Variants in RAI14 observed in about 807,000 individuals in gnomAD.
RAI14 encodes the protein ankycorbin.
RAI14 carries 45 observed loss-of-function variants against 115.4 expected under a neutral mutation model. The observed-to-expected ratio is 0.39, with a 90% confidence interval of 0.31 to 0.50. RAI14 has a LOEUF of 0.50. Ranked by LOEUF, RAI14 falls within the 20% of genes least tolerant of loss-of-function variation. The pLI is 0.85. For missense variants in RAI14, 939 were observed against 1,131.2 expected, an observed-to-expected ratio of 0.83 and a Z score of 2.44; for synonymous variants, 371 against 415.4, an observed-to-expected ratio of 0.89 and a Z score of 1.30.
At chr5:34,828,169 G>T (rs1223196676) in intron 16 of RAI14, among the ~76,000 whole-genome samples, 1 of 152,172 alleles carries the variant, frequency 6.6e-6, no homozygotes, top group East Asian at 1.9e-4. Context: ...CGCAGTAGGG[G>T]TTGGGGGAAG....
intron 3 of RAI14, among the ~76,000 whole-genome samples, chr5:34,788,519 G>C (rs1250347086): frequency 6.6e-6 from 1 of 152,128 alleles, no homozygotes; most frequent in Non-Finnish European, 1.5e-5. Flanking sequence ...TTAGAACCAT[G>C]TCTCACACAT....
At chr5:34,757,418 G>A (rs181821790) in intron 2 of RAI14, 50 bp from the exon 3 acceptor site, 76 of 1,601,480 alleles carry the variant, frequency 4.7e-5, no homozygotes, top group African/African-American at 1.4e-4. Flanking sequence ...TGGTCAGTGC[G>A]GCTGTGGCCA....
intron 3 of RAI14, among the ~76,000 whole-genome samples, chr5:34,784,968 T>G (rs1478641053): frequency 6.6e-6 from 1 of 152,212 alleles, no homozygotes; most frequent in Non-Finnish European, 1.5e-5. Flanking sequence ...TGTGGCACAA[T>G]TGTAGTGTCA....
chr5:34,742,077 G>A (rs776512402), intron 2 of RAI14, among the ~76,000 whole-genome samples: 4 of 152,192 alleles, frequency 2.6e-5, no homozygotes, highest in Non-Finnish European at 5.9e-5. Flanking sequence ...CCAGGGAAAC[G>A]AGAGACGTGG....
chr5:34,741,958 G>A (rs1484604195), intron 2 of RAI14, among the ~76,000 whole-genome samples: 1 of 152,200 alleles, frequency 6.6e-6, no homozygotes, highest in Non-Finnish European at 1.5e-5. Flanking sequence ...TTGGCAAAGA[G>A]GAAGTGTCTA....
chr5:34,752,733 G>GTATATA (rs1314736589), intron 2 of RAI14, among the ~76,000 whole-genome samples: 1 of 100,594 alleles, frequency 9.9e-6, no homozygotes, highest in African/African-American at 4.0e-5. Context: ...GTGTGTGTGT[G>GTATATA]TGTGTGTGTG....
chr5:34,729,324 G>C (rs1472779123), intron 2 of RAI14, among the ~76,000 whole-genome samples: 1 of 152,186 alleles, frequency 6.6e-6, no homozygotes, highest in Non-Finnish European at 1.5e-5. Context: ...CCTCCAGCCT[G>C]AGTGACAGAG....
intron 1 of RAI14, among the ~76,000 whole-genome samples, chr5:34,668,023 T>G (rs1483048971): frequency 2.6e-5 from 4 of 152,160 alleles, no homozygotes; most frequent in Admixed American, 6.6e-5. Context: ...AGTGGCCTCT[T>G]CTCAGCCACC....
chr5:34,694,598 T>C (rs538066039), intron 2 of RAI14, among the ~76,000 whole-genome samples: 17 of 152,314 alleles, frequency 1.1e-4, no homozygotes, highest in African/African-American at 4.1e-4. Flanking sequence ...TGGGAAGCAC[T>C]GCCTGAAAGG....
intron 3 of RAI14, among the ~76,000 whole-genome samples, chr5:34,775,090 T>G (rs1054192416): frequency 6.6e-6 from 1 of 152,184 alleles, no homozygotes; most frequent in African/African-American, 2.4e-5. Context: ...ACTAGACCCC[T>G]ATCTCTTGCC....
At chr5:34,793,892 T>C (rs1580280317) in intron 3 of RAI14, among the ~76,000 whole-genome samples, 1 of 152,328 alleles carries the variant, frequency 6.6e-6, no homozygotes, top group African/African-American at 2.4e-5. Context: ...TCCCTAAACA[T>C]GCAATTCAAT....
At position 34,743,375 on chromosome 5, in the gene RAI14, C is replaced by T. The variant is rs529308095; in HGVS notation, c.37-14093C>T. Reference sequence around the variant, plus strand: ...CTAATCTCTGCCTCCATCTTTACATCGCCTTCTTCCTCATGTCTCTGCATC... The same window carrying T: ...CTAATCTCTGCCTCCATCTTTACATTGCCTTCTTCCTCATGTCTCTGCATC... On this transcript the variant is annotated intron_variant, in intron 2 of 17. Transcript: ENST00000265109. Among the ~76,000 whole-genome samples the T allele has an allele frequency of 8.3e-4, 127 of 152,300 alleles. 1 individual carries two copies. The highest frequency in any genetic ancestry group is 2.5e-3 in the African/African-American group (104 of 41,562).
chr5:34,676,939 C>T (rs1477359087), intron 1 of RAI14, among the ~76,000 whole-genome samples: 5 of 152,154 alleles, frequency 3.3e-5, no homozygotes, highest in South Asian at 2.1e-4. Flanking sequence ...GTCTTTCCCC[C>T]CCTAACTTTA....
At chr5:34,770,270 C>T (rs1306804255) in intron 3 of RAI14, among the ~76,000 whole-genome samples, 1 of 152,192 alleles carries the variant, frequency 6.6e-6, no homozygotes, top group African/African-American at 2.4e-5. Context: ...AAGGACACAG[C>T]TTTCTCTCCT....
intron 12 of RAI14, among the ~76,000 whole-genome samples, chr5:34,815,379 CAAA>C (rs112615163): frequency 9.1e-6 from 1 of 109,540 alleles, no homozygotes. Context: ...GACTCCGTCT[CAAA>C]AAAAAAAAAA....
intron 2 of RAI14, among the ~76,000 whole-genome samples, chr5:34,712,738 G>A (rs1429759242): frequency 6.6e-6 from 1 of 152,150 alleles, no homozygotes; most frequent in Non-Finnish European, 1.5e-5. Context: ...AAAAGTTTGT[G>A]ACAAACGGGT....
At chr5:34,723,418 T>C (rs746945245) in intron 2 of RAI14, among the ~76,000 whole-genome samples, 9 of 152,194 alleles carry the variant, frequency 5.9e-5, no homozygotes, top group South Asian at 2.1e-4. Flanking sequence ...AATACCTTTT[T>C]TGTGTGAGAT....
chr5:34,789,450 C>T (rs935757661), intron 3 of RAI14, among the ~76,000 whole-genome samples: 1 of 152,182 alleles, frequency 6.6e-6, no homozygotes, highest in Non-Finnish European at 1.5e-5. Context: ...TGATCACTTC[C>T]GTGAGAGGTG....
chr5:34,775,358 C>A (rs779538257), intron 3 of RAI14, among the ~76,000 whole-genome samples: 29 of 152,098 alleles, frequency 1.9e-4, no homozygotes, highest in Admixed American at 1.1e-3. Context: ...GCAAGCTACC[C>A]ATCTGACAAG....
Sources: allele counts gnomAD v4.1 joint callset (sites outside exome capture counted in the v4.1 genomes callset), GRCh38; gene constraint gnomAD v4.1.1; transcripts MANE v1.5; gene names NCBI Gene and HGNC (gene_info 2026-07-23, HGNC 2026-07-21).